Variants in MACROD2 observed in about 807,000 individuals in gnomAD.
MACROD2 encodes the protein ADP-ribose glycohydrolase MACROD2.
A neutral mutation model predicts 70.4 loss-of-function variants in MACROD2; 36 were observed. That is an observed-to-expected ratio of 0.51 (90% CI 0.39 to 0.68). The LOEUF is 0.68. MACROD2 is among the 30% of genes least tolerant of loss of function. The pLI, the probability that MACROD2 is intolerant of heterozygous loss-of-function variation, is 0.00. For synonymous variants in MACROD2, 172 were observed against 178.8 expected, an observed-to-expected ratio of 0.96 and a Z score of 0.30; for missense variants, 496 against 538.4, an observed-to-expected ratio of 0.92 and a Z score of 0.78.
At chr20:14,536,626 G>GGTGT (rs11471542) in intron 4 of MACROD2, among the ~76,000 whole-genome samples, 26,774 of 138,904 alleles carry the variant, frequency 0.19, 2,779 homozygotes, top group East Asian at 0.45. Flanking sequence ...AGGTAACATT[G>GGTGT]GTGTGTGTGT....
intron 3 of MACROD2, among the ~76,000 whole-genome samples, chr20:14,354,476 G>A (rs1456745390): frequency 2.0e-5 from 3 of 151,948 alleles, no homozygotes; most frequent in African/African-American, 7.3e-5. Context: ...ATCAGCCTTT[G>A]CTTGCTATAT....
intron 5 of MACROD2, among the ~76,000 whole-genome samples, chr20:14,873,072 T>C (rs1447046642): frequency 6.6e-6 from 1 of 152,000 alleles, no homozygotes; most frequent in East Asian, 1.9e-4. Flanking sequence ...AGATTACAAT[T>C]CAAGATGAGA....
chr20:15,754,075 C>T (rs1568542147), intron 8 of MACROD2, among the ~76,000 whole-genome samples: 1 of 152,098 alleles, frequency 6.6e-6, no homozygotes, highest in Non-Finnish European at 1.5e-5. Flanking sequence ...GTAATAGTTA[C>T]TTAACATACA....
intron 3 of MACROD2, among the ~76,000 whole-genome samples, chr20:14,232,807 T>C (rs757192572): frequency 1.2e-4 from 19 of 152,254 alleles, no homozygotes; most frequent in Admixed American, 1.3e-4. Context: ...AATTTTCCTT[T>C]GCATTTACAA....
intron 3 of MACROD2, among the ~76,000 whole-genome samples, chr20:14,227,407 C>T (rs934860457): frequency 2.0e-5 from 3 of 152,174 alleles, no homozygotes; most frequent in African/African-American, 7.2e-5. Flanking sequence ...TAACACTCAC[C>T]ACAAAGGTCT....
At chr20:15,926,734 A>G (rs192979443) in intron 10 of MACROD2, among the ~76,000 whole-genome samples, 1 of 152,332 alleles carries the variant, frequency 6.6e-6, no homozygotes, top group African/African-American at 2.4e-5. Context: ...GGAGACTCCA[A>G]TGTGCTGGAG....
chr20:14,197,715 C>A (rs1031518335), intron 3 of MACROD2, among the ~76,000 whole-genome samples: 2 of 151,204 alleles, frequency 1.3e-5, no homozygotes, highest in Non-Finnish European at 2.9e-5. Flanking sequence ...TGCAGTAAGC[C>A]GAGATTGCAC....
intron 8 of MACROD2, among the ~76,000 whole-genome samples, chr20:15,736,837 G>C (rs2051028122): frequency 1.3e-5 from 2 of 152,262 alleles, no homozygotes; most frequent in South Asian, 4.1e-4. Context: ...TTTGGTATCT[G>C]CAGGAGGTCC....
chr20:15,869,308 A>G (rs989053620), intron 9 of MACROD2, among the ~76,000 whole-genome samples: 3 of 145,512 alleles, frequency 2.1e-5, no homozygotes, highest in South Asian at 4.6e-4. Flanking sequence ...AATTAATTGC[A>G]GGATATCCAT....
intron 6 of MACROD2, among the ~76,000 whole-genome samples, chr20:15,360,906 A>G (rs2078344436): frequency 6.6e-6 from 1 of 150,818 alleles, no homozygotes; most frequent in Non-Finnish European, 1.5e-5. Context: ...TAGTTGGACC[A>G]TTTGTATTTT....
intron 6 of MACROD2, among the ~76,000 whole-genome samples, chr20:15,257,490 A>G (rs2077209699): frequency 6.6e-6 from 1 of 152,110 alleles, no homozygotes; most frequent in Non-Finnish European, 1.5e-5. Flanking sequence ...ATTGACAAAT[A>G]AAACAAGTTA....
At chr20:14,629,149 G>T (rs1984363713) in intron 4 of MACROD2, among the ~76,000 whole-genome samples, 1 of 150,650 alleles carries the variant, frequency 6.6e-6, no homozygotes, top group Admixed American at 6.6e-5. Context: ...GAGGACTTTT[G>T]TGTGTGTGTG....
At chr20:14,409,524 A>G (rs773462107) in intron 3 of MACROD2, among the ~76,000 whole-genome samples, 1 of 152,040 alleles carries the variant, frequency 6.6e-6, no homozygotes, top group African/African-American at 2.4e-5. Flanking sequence ...CCAAGTAACC[A>G]TCGATGATGG....
chr20:14,034,703 A>G (rs573715473), intron 2 of MACROD2, among the ~76,000 whole-genome samples: 2 of 152,352 alleles, frequency 1.3e-5, no homozygotes, highest in East Asian at 3.8e-4. Context: ...TATAACAAAT[A>G]ACATTTATTG....
intron 3 of MACROD2, among the ~76,000 whole-genome samples, chr20:14,112,865 A>G (rs2054469631): frequency 6.6e-6 from 1 of 151,936 alleles, no homozygotes; most frequent in Non-Finnish European, 1.5e-5. Context: ...ACATCCTCAT[A>G]TTTTCATGAA....
At chr20:14,829,805 A>T (rs1285336058) in intron 5 of MACROD2, among the ~76,000 whole-genome samples, 1 of 152,160 alleles carries the variant, frequency 6.6e-6, no homozygotes, top group African/African-American at 2.4e-5. Flanking sequence ...TATTTTATTT[A>T]GTATCAGCAT....
At chr20:14,434,030 A>T (rs575124989) in intron 3 of MACROD2, among the ~76,000 whole-genome samples, 1 of 152,260 alleles carries the variant, frequency 6.6e-6, no homozygotes, top group East Asian at 1.9e-4. Context: ...TTTTCTAAAT[A>T]TTTAAAGTGT....
chr20:15,230,008 A>G lies in MACROD2; in HGVS notation c.487A>G (p.Asn163Asp), dbSNP rs753396661. Residue 163 changes from asparagine to aspartate, a missense_variant, in exon 6 of 18, where the codon AAT becomes GAT. Coordinates refer to ENST00000684519, the MANE Select transcript of MACROD2 (RefSeq NM_001351661.2). ...TGGTTCCCACAAGGAAGACCTTGCA[A>G]ATTGCTATAAATCATCTCTGAAGCT... ...INGSHKEDLA[N>D]CYKSSLKLVK... 6.2e-7 allele frequency: 1 copy of G among 1,613,672 alleles called. No individual in the cohort carries two copies. The highest frequency in any genetic ancestry group is 1.3e-5 in the African/African-American group (1 of 74,934).
rs1256021726 is a variant in MACROD2, at chr20:14,189,167, A to G, written c.271+103439A>G. ...AAATTTAATGGTACATTATTATACA[A>G]GATTGCTTATGGTTATTTCATGCTT... On this transcript the variant is annotated intron_variant, in intron 3 of 17. Transcript: ENST00000684519. Among the ~76,000 whole-genome samples the G allele has an allele frequency of 2.6e-5, 4 of 152,128 alleles. No individual in the cohort carries two copies. The East Asian group carries it at 7.7e-4, about 29-fold the overall frequency.
Sources: allele counts gnomAD v4.1 joint callset (sites outside exome capture counted in the v4.1 genomes callset), GRCh38; gene constraint gnomAD v4.1.1; transcripts MANE v1.5; gene names NCBI Gene and HGNC (gene_info 2026-07-23, HGNC 2026-07-21).